Variants in FAT3 observed in about 807,000 individuals in gnomAD.
FAT3 encodes FAT atypical cadherin 3, also known as protocadherin Fat 3.
In FAT3, 95 loss-of-function variants were observed where a neutral mutation model predicts 310.2. The observed-to-expected ratio is 0.31, with a 90% CI of 0.26 to 0.36. The LOEUF (loss-of-function observed/expected upper bound fraction) is 0.36. Among genes scored for constraint, FAT3 ranks in the 10% least tolerant of loss-of-function variants. The pLI is 1.00. For missense variants in FAT3, 5,408 were observed against 5,715.6 expected (o/e 0.95, Z 1.74); for synonymous variants, 2,314 against 2,192.9 (o/e 1.06, Z -1.54).
chr11:92,256,584 G>C (rs1865327740), intron 1 of FAT3, among the ~76,000 whole-genome samples: 1 of 152,086 alleles, frequency 6.6e-6, no homozygotes, highest in African/African-American at 2.4e-5. Flanking sequence ...CATTTGGCAT[G>C]TGTAAACCAA....
intron 3 of FAT3, among the ~76,000 whole-genome samples, chr11:92,665,899 A>T (rs936502216): frequency 1.3e-5 from 2 of 152,194 alleles, no homozygotes; most frequent in African/African-American, 4.8e-5. Context: ...GGCCAGACAT[A>T]GTGGCTCATG....
intron 4 of FAT3, among the ~76,000 whole-genome samples, chr11:92,709,948 A>G (rs1944470857): frequency 6.6e-6 from 1 of 152,204 alleles, no homozygotes; most frequent in African/African-American, 2.4e-5. Context: ...ATTTTTCATG[A>G]TGTACCCATT....
At chr11:92,670,671 G>A (rs994685816) in intron 3 of FAT3, among the ~76,000 whole-genome samples, 5 of 152,206 alleles carry the variant, frequency 3.3e-5, no homozygotes, top group African/African-American at 1.2e-4. Context: ...TAGCAGAGTG[G>A]AAGCTAGATT....
At chr11:92,610,615 C>T (rs1008115111) in intron 3 of FAT3, among the ~76,000 whole-genome samples, 3 of 152,170 alleles carry the variant, frequency 2.0e-5, no homozygotes, top group African/African-American at 7.2e-5. Context: ...AGCCTCTTGT[C>T]CTCAGGGGAG....
intron 19 of FAT3, among the ~76,000 whole-genome samples, chr11:92,850,741 A>T (rs552650709): frequency 3.0e-4 from 46 of 152,240 alleles, no homozygotes; most frequent in Non-Finnish European, 5.4e-4. Flanking sequence ...TAATAATCAC[A>T]GCTAGATACT....
At chr11:92,787,031 T>A (rs1213888269) in intron 7 of FAT3, among the ~76,000 whole-genome samples, 1 of 152,186 alleles carries the variant, frequency 6.6e-6, no homozygotes, top group Non-Finnish European at 1.5e-5. Context: ...GTAGGATGTT[T>A]AGCGGCATCC....
At chr11:92,621,511 C>G (rs1469248250) in intron 3 of FAT3, among the ~76,000 whole-genome samples, 1 of 152,102 alleles carries the variant, frequency 6.6e-6, no homozygotes, top group Non-Finnish European at 1.5e-5. Context: ...AATCAAGTGC[C>G]CCACAAAGAT....
intron 3 of FAT3, among the ~76,000 whole-genome samples, chr11:92,673,973 G>C (rs1391967469): frequency 6.6e-6 from 1 of 151,996 alleles, no homozygotes; most frequent in African/African-American, 2.4e-5. Flanking sequence ...TTGAGGTCAG[G>C]AGTTCGAGAC....
intron 2 of FAT3, among the ~76,000 whole-genome samples, chr11:92,438,368 G>T: frequency 6.6e-6 from 1 of 152,222 alleles, no homozygotes; most frequent in Middle Eastern, 3.4e-3. Context: ...TCCAGAAAGG[G>T]TATGAATCAA....
At chr11:92,549,007 A>C (rs190322249) in intron 3 of FAT3, among the ~76,000 whole-genome samples, 22 of 152,312 alleles carry the variant, frequency 1.4e-4, no homozygotes, top group Admixed American at 6.5e-4. Flanking sequence ...TAAAAGCAGA[A>C]AACCTGGCTA....
chr11:92,444,704 A>ATCTAGT (rs1413896143), intron 2 of FAT3, among the ~76,000 whole-genome samples: 1 of 151,438 alleles, frequency 6.6e-6, no homozygotes, highest in African/African-American at 2.4e-5. Flanking sequence ...TCTTAGAAGC[A>ATCTAGT]CACTAATTTT....
intron 3 of FAT3, among the ~76,000 whole-genome samples, chr11:92,631,861 A>C (rs981915731): frequency 5.3e-5 from 8 of 152,048 alleles, no homozygotes; most frequent in Non-Finnish European, 1.0e-4. Flanking sequence ...GAAAATGGAG[A>C]GCTTCTGTGT....
intron 3 of FAT3, chr11:92,559,522 C>G (rs1018533285): frequency 5.9e-6 from 2 of 338,914 alleles, no homozygotes; most frequent in African/African-American, 4.4e-5. Context: ...GTAGCTGGGA[C>G]TATAGGCATG....
At chr11:92,384,802 T>C (rs976226084) in intron 2 of FAT3, among the ~76,000 whole-genome samples, 2 of 152,224 alleles carry the variant, frequency 1.3e-5, no homozygotes, top group Admixed American at 6.5e-5. Context: ...GAAATCAGTA[T>C]TGGCTTTGTC....
At chr11:92,253,656 A>G (rs1337208199) in intron 1 of FAT3, among the ~76,000 whole-genome samples, 5 of 152,144 alleles carry the variant, frequency 3.3e-5, no homozygotes, top group Non-Finnish European at 5.9e-5. Context: ...TGTGGGATTT[A>G]TAGAGAGCAT....
At chr11:92,788,683 A>T (rs1215417689) in intron 7 of FAT3, among the ~76,000 whole-genome samples, 1 of 152,158 alleles carries the variant, frequency 6.6e-6, no homozygotes, top group African/African-American at 2.4e-5. Flanking sequence ...TTGTCAAAGA[A>T]AAAGAAACAG....
chr11:92,674,713 G>A (rs1565503766), intron 3 of FAT3, among the ~76,000 whole-genome samples: 1 of 151,874 alleles, frequency 6.6e-6, no homozygotes, highest in Non-Finnish European at 1.5e-5. Flanking sequence ...TGTGTGTGTG[G>A]AGACGGGGTC....
intron 2 of FAT3, among the ~76,000 whole-genome samples, chr11:92,413,672 G>A (rs1315609435): frequency 1.3e-5 from 2 of 152,108 alleles, no homozygotes; most frequent in African/African-American, 2.4e-5. Flanking sequence ...AGCTTTCCCT[G>A]CTTGAACGAC....
At position 92,891,821 on chromosome 11, in the gene FAT3, G is replaced by C. The variant is rs1949922712; in HGVS notation, c.*708G>C. The C allele has an allele frequency of 6.6e-6, 1 of 152,462 alleles. No homozygotes were observed. Among genetic ancestry groups the C allele is most frequent in the Non-Finnish European group, 1.5e-5 (1 of 68,166 alleles). 9.4% of individuals were successfully genotyped at this position (152,462 alleles called of 1,614,324 possible). Reference sequence around the variant, plus strand: ...ACATGAGGCTTTTTGGGTTCCATTTGGTGGGTGGGGGAGGAAGTTAAAGTT... The same window carrying C: ...ACATGAGGCTTTTTGGGTTCCATTTCGTGGGTGGGGGAGGAAGTTAAAGTT... On this transcript the variant is annotated 3_prime_UTR_variant, in exon 28 of 28. Coordinates refer to ENST00000525166, the MANE Select transcript of FAT3 (RefSeq NM_001367949.2).
Sources: allele counts gnomAD v4.1 joint callset (sites outside exome capture counted in the v4.1 genomes callset), GRCh38; gene constraint gnomAD v4.1.1; transcripts MANE v1.5; gene names NCBI Gene and HGNC (gene_info 2026-07-23, HGNC 2026-07-21).